The following CDH12 variants were observed in gnomAD, a reference collection of about 807,000 sequenced individuals.
CDH12 encodes cadherin 12.
Under a neutral mutation model 74.1 loss-of-function variants are expected in CDH12, and 41 were observed. The observed-to-expected ratio is 0.55, with a 90% CI of 0.43 to 0.72. CDH12 has a LOEUF of 0.72. Ranked by LOEUF, CDH12 falls within the 30% of genes least tolerant of loss-of-function variation. The probability of loss-of-function intolerance (pLI) is 0.00; values close to 1 mark genes in which losing one functional copy is unlikely to be tolerated. For synonymous variants in CDH12, 399 were observed against 355.0 expected (o/e 1.12, Z -1.39); for missense variants, 945 against 977.2 (o/e 0.97, Z 0.44).
chr5:22,535,231 T>C (rs983947540), intron 1 of CDH12, among the ~76,000 whole-genome samples: 2 of 146,346 alleles, frequency 1.4e-5, no homozygotes, highest in African/African-American at 2.5e-5. Context: ...CTTGGCTCAA[T>C]GCAAGCTCCG....
intron 4 of CDH12, among the ~76,000 whole-genome samples, chr5:22,117,525 T>TA (rs1554012058): frequency 1.9e-5 from 1 of 53,948 alleles, no homozygotes; most frequent in Non-Finnish European, 3.3e-5. Context: ...ATATATATAA[T>TA]ATATATATAT....
chr5:22,609,969 A>C (rs936264208), intron 1 of CDH12, among the ~76,000 whole-genome samples: 5 of 152,244 alleles, frequency 3.3e-5, no homozygotes, highest in Non-Finnish European at 5.9e-5. Flanking sequence ...GAGCTTCCCC[A>C]GTTCCACCTG....
chr5:22,146,471 T>C (rs900536694), intron 4 of CDH12, among the ~76,000 whole-genome samples: 1 of 152,094 alleles, frequency 6.6e-6, no homozygotes, highest in Non-Finnish European at 1.5e-5. Flanking sequence ...AAATGTTTTG[T>C]ATAAGTTAAA....
chr5:22,378,363 G>T (rs1276182316), intron 3 of CDH12, among the ~76,000 whole-genome samples: 1 of 151,790 alleles, frequency 6.6e-6, no homozygotes. Context: ...TATTTATGCA[G>T]TTTTTTTTGG....
intron 9 of CDH12, among the ~76,000 whole-genome samples, chr5:21,804,692 A>G (rs949646165): frequency 2.1e-5 from 3 of 145,370 alleles, no homozygotes; most frequent in African/African-American, 7.8e-5. Flanking sequence ...ACACACACAC[A>G]CATAGATGTT....
intron 4 of CDH12, 108 bp from the exon 5 acceptor site, chr5:22,078,970 C>G (rs777590038): frequency 5.3e-6 from 2 of 380,688 alleles, no homozygotes; most frequent in Non-Finnish European, 8.0e-6. Flanking sequence ...AGAAGAAAGA[C>G]TATAAAAGAA....
At chr5:22,698,499 T>A (rs540462264) in intron 1 of CDH12, among the ~76,000 whole-genome samples, 31 of 151,524 alleles carry the variant, frequency 2.0e-4, no homozygotes, top group Middle Eastern at 3.4e-3. Context: ...TGAAGCTCGT[T>A]AAAGCCTGAA....
chr5:22,823,135 A>G (rs1427733699), intron 1 of CDH12, among the ~76,000 whole-genome samples: 3 of 151,766 alleles, frequency 2.0e-5, no homozygotes, highest in Non-Finnish European at 4.4e-5. Context: ...TCGCAAGGAC[A>G]AAAAACCAAA....
At chr5:22,489,186 T>C (rs1426351711) in intron 2 of CDH12, among the ~76,000 whole-genome samples, 2 of 150,634 alleles carry the variant, frequency 1.3e-5, no homozygotes, top group East Asian at 2.0e-4. Flanking sequence ...GCCTCCTGAG[T>C]AGCTGGGACT....
Position 21,845,746 on chromosome 5 carries a change from T to G in CDH12, c.647-3418A>C, listed in dbSNP as rs117628470. On this transcript the variant is annotated intron_variant, in intron 7 of 14. Transcript: ENST00000382254. ...GACAGAGAGAAGTTCTTTTATTTTC[T>G]TTTCTAATTCTGGCATCTAGTTAAT... 9.2e-5 allele frequency among the ~76,000 whole-genome samples: 14 copies of G among 152,252 alleles called. No homozygotes were observed. In the East Asian group the frequency reaches 2.7e-3, roughly 30 times the overall value.
At chr5:22,826,049 A>G (rs540032843) in intron 1 of CDH12, among the ~76,000 whole-genome samples, 2 of 152,258 alleles carry the variant, frequency 1.3e-5, no homozygotes, top group South Asian at 4.1e-4. Context: ...GACATAGTCA[A>G]CTCAGGAAGT....
At chr5:21,840,202 G>A (rs1749761150) in intron 8 of CDH12, among the ~76,000 whole-genome samples, 2 of 152,054 alleles carry the variant, frequency 1.3e-5, no homozygotes, top group Admixed American at 1.3e-4. Flanking sequence ...CTAATATGGT[G>A]GGAAATGTGT....
At chr5:22,710,588 T>C (rs896272658) in intron 1 of CDH12, among the ~76,000 whole-genome samples, 3 of 152,142 alleles carry the variant, frequency 2.0e-5, no homozygotes, top group African/African-American at 7.2e-5. Context: ...CTATAGAGTA[T>C]GATAATGGTA....
chr5:22,726,214 T>G (rs1452731136), intron 1 of CDH12, among the ~76,000 whole-genome samples: 6 of 151,814 alleles, frequency 4.0e-5, no homozygotes, highest in Non-Finnish European at 8.9e-5. Context: ...TCCCTGCCCC[T>G]AAACCTTAGC....
chr5:22,631,813 G>A (rs1349811828), intron 1 of CDH12, among the ~76,000 whole-genome samples: 1 of 152,070 alleles, frequency 6.6e-6, no homozygotes, highest in Admixed American at 6.6e-5. Context: ...ACTGGAGCAG[G>A]ACAAAGAGAG....
chr5:22,387,812 A>G (rs1742063586), intron 3 of CDH12, among the ~76,000 whole-genome samples: 1 of 152,088 alleles, frequency 6.6e-6, no homozygotes. Context: ...ACTAAAGGGA[A>G]ATTTTTAAAT....
rs749758506 is a variant in CDH12, at chr5:22,458,577, A to T, written c.-428+46693T>A. On this transcript the variant is annotated intron_variant, in intron 2 of 14. Coordinates refer to ENST00000382254, the MANE Select transcript of CDH12 (RefSeq NM_004061.5). ...TTAGCTGAAAGGCCAACAATTGGGG[A>T]TTTCATTATGACACAATTTCTATTA... Among the ~76,000 whole-genome samples, 4 of 152,162 alleles carry T rather than the reference A, an allele frequency of 2.6e-5. 1 individual carries two copies. Among genetic ancestry groups the T allele is most frequent in the Non-Finnish European group, 5.9e-5 (4 of 68,026 alleles).
intron 5 of CDH12, among the ~76,000 whole-genome samples, chr5:22,041,143 T>C (rs1409025281): frequency 6.6e-6 from 1 of 152,100 alleles, no homozygotes; most frequent in Non-Finnish European, 1.5e-5. Flanking sequence ...TTTAAGATGT[T>C]TTATGTAAGC....
chr5:21,855,966 A>T, intron 6 of CDH12, among the ~76,000 whole-genome samples: 1 of 151,780 alleles, frequency 6.6e-6, no homozygotes, highest in Admixed American at 6.6e-5. Context: ...AAGGTCTTTC[A>T]GTTTAAAATG....
Sources: allele counts gnomAD v4.1 joint callset (sites outside exome capture counted in the v4.1 genomes callset), GRCh38; gene constraint gnomAD v4.1.1; transcripts MANE v1.5; gene names NCBI Gene and HGNC (gene_info 2026-07-23, HGNC 2026-07-21).